CLEC4D: variants seen among roughly 807,000 people sequenced by gnomAD.
CLEC4D encodes C-type lectin domain family 4 member D, also known as C-type (calcium dependent, carbohydrate-recognition domain) lectin, superfamily member 8.
Under a neutral mutation model 21.1 loss-of-function variants are expected in CLEC4D, and 21 were observed. That is an observed-to-expected ratio of 1.00 (90% CI 0.71 to 1.43). The LOEUF (loss-of-function observed/expected upper bound fraction) is 1.43. Among genes scored for constraint, CLEC4D ranks in the 40% most tolerant of loss-of-function variants. The pLI is 0.00. For synonymous variants in CLEC4D, 85 were observed against 83.1 expected (o/e 1.02, Z -0.12); for missense variants, 289 against 260.7 (o/e 1.11, Z -0.75).
chr12:8,518,238 T>G lies in CLEC4D; in HGVS notation c.196T>G (p.Cys66Gly). The G allele has an allele frequency of 7.3e-7, 1 of 1,375,490 alleles. No homozygotes were observed. Among genetic ancestry groups the G allele is most frequent in the Middle Eastern group, 1.8e-4 (1 of 5,602 alleles). The allele number at this position is 1,375,490 out of a possible 1,614,324, so 85.2% of individuals were successfully genotyped here. A position where few individuals can be genotyped will look rare whatever the true frequency, so the allele number is the denominator to read the frequency against. ...HKLEHHAKLKCIKEKSELKSA... is the reference protein window; with the variant it reads ...HKLEHHAKLKGIKEKSELKSA... ...GTTAGAGCACCATGCAAAGCTCAAATGCATCAAAGAGAAATCAGAACTGAA... is the reference window on the plus strand; with the variant it reads ...GTTAGAGCACCATGCAAAGCTCAAAGGCATCAAAGAGAAATCAGAACTGAA... The change falls in exon 3 of 6, where the codon TGC becomes GGC. Residue 66 changes from cysteine (C) to glycine (G), a missense_variant. Physicochemically the swap from Cys to Gly is radical, Grantham distance 159. Coordinates refer to ENST00000299665, the MANE Select transcript of CLEC4D (RefSeq NM_080387.5).
downstream of CLEC4D, among the ~76,000 whole-genome samples, chr12:8,523,134 G>A (rs1026984680): frequency 6.6e-6 from 1 of 152,144 alleles, no homozygotes; most frequent in Non-Finnish European, 1.5e-5. Context: ...GTAGCATGAT[G>A]CCCCCAGCTT....
At chr12:8,522,822 G>A (rs746270825), downstream of CLEC4D, among the ~76,000 whole-genome samples, 5 of 152,158 alleles carry the variant, frequency 3.3e-5, no homozygotes, top group East Asian at 1.9e-4. Flanking sequence ...GGGTTTTTAC[G>A]GTTTTGGGTT....
chr12:8,518,087 T>G, intron 2 of CLEC4D, 77 bp from the exon 3 acceptor site: 2 of 625,936 alleles, frequency 3.2e-6, no homozygotes, highest in Non-Finnish European at 5.7e-6. Context: ...AAGAGAAAAT[T>G]TAGGAAGGTC....
intron 2 of CLEC4D, 123 bp from the exon 3 acceptor site, chr12:8,518,041 A>C: frequency 7.6e-6 from 4 of 528,564 alleles, no homozygotes; most frequent in Non-Finnish European, 1.4e-5. Context: ...GCTGCATAGA[A>C]AGAAAAGAGA....
Position 8,519,082 on chromosome 12 carries a change from C to A in CLEC4D, c.306C>A (p.Asn102Lys). The A allele has an allele frequency of 6.2e-7, 1 of 1,614,168 alleles. No homozygotes were observed. Among genetic ancestry groups the A allele is most frequent in the Non-Finnish European group, 8.5e-7 (1 of 1,180,012 alleles). Residue 102 changes from asparagine to lysine, a missense_variant, in exon 4 of 6, where the codon AAC (asparagine) becomes AAA (lysine). Physicochemically the swap from Asn to Lys is moderately conservative, Grantham distance 94 (BLOSUM62 0). Coordinates refer to ENST00000299665, the MANE Select transcript of CLEC4D (RefSeq NM_080387.5). ...QSNCYFPLTD[N>K]KTWAESERNC... is the part of the protein sequence containing the mutation. ...ACTGCTATTTTCCTCTTACTGACAA[C>A]AAGACGTGGGCTGAGAGTGAAAGGA...
At chr12:8,515,423 C>T (rs1940366039) in intron 2 of CLEC4D, 95 bp downstream of exon 2, 3 of 712,620 alleles carry the variant, frequency 4.2e-6, no homozygotes, top group Admixed American at 4.1e-5. Context: ...TTGATTTTTC[C>T]TAGCATAACC....
At chr12:8,530,311 G>A in the CLEC4D span, among the ~76,000 whole-genome samples, 1 of 152,068 alleles carries the variant, frequency 6.6e-6, no homozygotes, top group African/African-American at 2.4e-5. Context: ...TTCCTAGCCA[G>A]CTCAATATGA....
At chr12:8,525,525 C>A (rs2136391563), downstream of CLEC4D, among the ~76,000 whole-genome samples, 1 of 152,152 alleles carries the variant, frequency 6.6e-6, no homozygotes, top group South Asian at 2.1e-4. Flanking sequence ...TTTTTCGTTT[C>A]TTTCCATTTG....
downstream of CLEC4D, among the ~76,000 whole-genome samples, chr12:8,523,976 G>T (rs1940486186): frequency 6.6e-6 from 1 of 152,114 alleles, no homozygotes. Context: ...TTTGTCTTTG[G>T]TTCTGTTTAT....
chr12:8,524,796 G>A (rs1940494811), downstream of CLEC4D, among the ~76,000 whole-genome samples: 1 of 152,116 alleles, frequency 6.6e-6, no homozygotes, highest in Admixed American at 6.5e-5. Context: ...ATGTTACAGT[G>A]TCAATTTGAG....
Position 8,521,470 on chromosome 12 carries a change from G to A in CLEC4D, c.*199G>A, listed in dbSNP as rs1940459226. 8.8e-7 allele frequency: 1 copy of A among 1,140,680 alleles called. No individual in the cohort carries two copies. The highest frequency in any genetic ancestry group is 1.1e-6 in the Non-Finnish European group (1 of 878,004). The allele number at this position is 1,140,680 out of a possible 1,614,324, so 70.7% of individuals were successfully genotyped here. ...TGTGTGTGTGTGTGTAGATAATGTG[G>A]TTTTTGTATGGTGTTTGATGGAAGG... is the stretch of plus-strand genomic sequence containing the variant. On this transcript the variant is annotated 3_prime_UTR_variant, in exon 6 of 6. Coordinates refer to ENST00000299665, the MANE Select transcript of CLEC4D (RefSeq NM_080387.5).
intron 2 of CLEC4D, among the ~76,000 whole-genome samples, chr12:8,517,443 TC>T (rs1266036089): frequency 1.6e-5 from 2 of 126,566 alleles, no homozygotes; most frequent in Admixed American, 7.9e-5. Flanking sequence ...ATGCTATCCC[TC>T]CCCCCTCCCC....
chr12:8,521,232 A>T lies in CLEC4D; in HGVS notation c.609A>T (p.Ala203=). Residue 203 remains alanine (A), a synonymous_variant, in exon 6 of 6, where the codon GCA becomes GCT. Transcript: ENST00000299665. ...AWNDVPCNFE[A]SRICKIPGTT... is the part of the protein sequence containing the mutation. ...ATGATGTTCCTTGTAACTTTGAAGC[A>T]AGTAGGATTTGTAAAATACCTGGAA... 1 of 1,613,196 alleles carries T rather than the reference A, an allele frequency of 6.2e-7. No individual in the cohort carries two copies. Among genetic ancestry groups the T allele is most frequent in the Non-Finnish European group, 8.5e-7 (1 of 1,179,454 alleles).
chr12:8,518,185 G>A lies in CLEC4D; in HGVS notation c.143G>A (p.Arg48His), dbSNP rs781726320. 2 of 1,338,698 alleles carry A rather than the reference G, an allele frequency of 1.5e-6. No individual in the cohort carries two copies. The highest frequency in any genetic ancestry group is 1.2e-5 in the South Asian group (1 of 85,062). The allele number at this position is 1,338,698 out of a possible 1,614,324, so 82.9% of individuals were successfully genotyped here. A position where few individuals can be genotyped will look rare whatever the true frequency, so the allele number is the denominator to read the frequency against. Residue 48 changes from arginine (R) to histidine (H), a missense_variant, in exon 3 of 6, where the codon CGC becomes CAC. Coordinates refer to ENST00000299665, the MANE Select transcript of CLEC4D (RefSeq NM_080387.5). ...SCLVTHHNFS[R>H]CKRGTGVHKL... Reference sequence around the variant, plus strand: ...ACAGTGACTCATCACAACTTTTCACGCTGTAAGAGAGGCACAGGAGTGCAC... The same window carrying A: ...ACAGTGACTCATCACAACTTTTCACACTGTAAGAGAGGCACAGGAGTGCAC...
At chr12:8,526,524 T>C (rs1940506318), downstream of CLEC4D, among the ~76,000 whole-genome samples, 1 of 152,258 alleles carries the variant, frequency 6.6e-6, no homozygotes, top group Non-Finnish European at 1.5e-5. Context: ...GCTGTGTTTT[T>C]CAGCTCCATC....
chr12:8,527,753 C>G, the CLEC4D span, among the ~76,000 whole-genome samples: 1 of 152,218 alleles, frequency 6.6e-6, no homozygotes, highest in Non-Finnish European at 1.5e-5. Context: ...TTCAGTAGGC[C>G]TTGGCACATT....
intron 3 of CLEC4D, among the ~76,000 whole-genome samples, chr12:8,518,678 A>C (rs7314690): frequency 0.31 from 47,634 of 152,132 alleles, 9,211 homozygotes; most frequent in African/African-American, 0.55. Flanking sequence ...TTCTTTACCC[A>C]CTTTAGGTAA....
Position 8,521,448 on chromosome 12 carries a change from G to T in CLEC4D, c.*177G>T. On this transcript the variant is annotated 3_prime_UTR_variant, in exon 6 of 6. Transcript: ENST00000299665. ...CGAGACAACATGTGTGTATGTGTGT[G>T]TGTGTGTGTGTAGATAATGTGGTTT... 7.8e-7 allele frequency: 1 copy of T among 1,286,946 alleles called. No individual in the cohort carries two copies. Among genetic ancestry groups the T allele is most frequent in the Non-Finnish European group, 1.0e-6 (1 of 991,102 alleles). 79.7% of individuals were successfully genotyped at this position (1,286,946 alleles called of 1,614,324 possible).
At chr12:8,516,674 A>C (rs1465459525) in intron 2 of CLEC4D, among the ~76,000 whole-genome samples, 1 of 152,160 alleles carries the variant, frequency 6.6e-6, no homozygotes, top group Non-Finnish European at 1.5e-5. Context: ...CATTACAGTC[A>C]CTCTGGAAAA....
Sources: allele counts gnomAD v4.1 joint callset (sites outside exome capture counted in the v4.1 genomes callset), GRCh38; gene constraint gnomAD v4.1.1; transcripts MANE v1.5; gene names NCBI Gene and HGNC (gene_info 2026-07-23, HGNC 2026-07-21).